Variants in CLEC2L observed in about 807,000 individuals in gnomAD.
CLEC2L encodes C-type lectin domain family 2 member L, also known as C-type lectin domain family 2, member L.
CLEC2L carries 14 observed loss-of-function variants against 23.6 expected under a neutral mutation model. The ratio of observed to expected loss-of-function variants is 0.59; its 90% CI spans 0.39 to 0.93. CLEC2L has a LOEUF of 0.93. CLEC2L is among the 40% of genes least tolerant of loss of function. The pLI, the probability that CLEC2L is intolerant of heterozygous loss-of-function variation, is 0.00. For synonymous variants in CLEC2L, 114 were observed against 121.3 expected (o/e 0.94, Z 0.40); for missense variants, 264 against 282.4 (o/e 0.93, Z 0.47).
chr7:139,541,683 C>T (rs993692110), intron 3 of CLEC2L, among the ~76,000 whole-genome samples: 1 of 152,220 alleles, frequency 6.6e-6, no homozygotes, highest in East Asian at 1.9e-4. Flanking sequence ...CCCCAAGCTT[C>T]CTGCAAATCA....
chr7:139,526,342 G>T (rs1797505912), intron 1 of CLEC2L, among the ~76,000 whole-genome samples: 1 of 152,146 alleles, frequency 6.6e-6, no homozygotes, highest in African/African-American at 2.4e-5. Context: ...GAGTACTGGG[G>T]TGGGGCAGGG....
rs540603211 is a variant in CLEC2L, at chr7:139,527,143, C to A, written c.190+3026C>A. ...AGTCATCATCTCAGTCCTCACCTCTCCCCTTGCAGGGGGGCTGGTGAGTGT... is the reference window on the plus strand; with the variant it reads ...AGTCATCATCTCAGTCCTCACCTCTACCCTTGCAGGGGGGCTGGTGAGTGT... On this transcript the variant is annotated intron_variant, in intron 1 of 4. Transcript: ENST00000422142. Among the ~76,000 whole-genome samples the A allele has an allele frequency of 2.6e-5, 4 of 152,340 alleles. No individual in the cohort carries two copies. The East Asian group carries it at 7.7e-4, about 29-fold the overall frequency.
At chr7:139,529,773 C>A (rs1262942695) in intron 1 of CLEC2L, among the ~76,000 whole-genome samples, 1 of 152,122 alleles carries the variant, frequency 6.6e-6, no homozygotes, top group Non-Finnish European at 1.5e-5. Context: ...CCCACTAATA[C>A]AACAGTAAAG....
At position 139,544,750 on chromosome 7, in the gene CLEC2L, A is replaced by C. The variant is rs1797786081; in HGVS notation, c.*408A>C. On this transcript the variant is annotated 3_prime_UTR_variant, in exon 5 of 5. Coordinates refer to ENST00000422142, the MANE Select transcript of CLEC2L (RefSeq NM_001080511.4). The stretch of plus-strand genomic sequence containing the variant: ...GCTCTGGGGAAGGAGGGGCATTGAC[A>C]GGTGGTTTGACTGTTCACCCAGCAG... 1 of 157,806 alleles carries C rather than the reference A, an allele frequency of 6.3e-6. No individual in the cohort carries two copies. Among genetic ancestry groups the C allele is most frequent in the African/African-American group, 2.4e-5 (1 of 41,616 alleles). 9.8% of individuals were successfully genotyped at this position (157,806 alleles called of 1,614,324 possible). A position where few individuals can be genotyped will look rare whatever the true frequency, so the allele number is the denominator to read the frequency against.
At chr7:139,528,960 A>G (rs1439703982) in intron 1 of CLEC2L, among the ~76,000 whole-genome samples, 2 of 152,238 alleles carry the variant, frequency 1.3e-5, no homozygotes, top group African/African-American at 2.4e-5. Flanking sequence ...GGTCTTTCCT[A>G]CAAACTCAGT....
rs956543372 is a variant in CLEC2L, at chr7:139,523,696, G to C, written c.-232G>C. ...TCGCGCTCCTCCCCAGCCCGGCTGT[G>C]CGTGGAGGCTGCGGCTCGGCGGGGC... On this transcript the variant is annotated 5_prime_UTR_variant, in exon 1 of 5. Coordinates refer to ENST00000422142, the MANE Select transcript of CLEC2L (RefSeq NM_001080511.4). This position sits in a 1 kb window ranked among gnomAD's most constrained non-coding sequence, Gnocchi z 4.1. 1.8e-4 allele frequency among the ~76,000 whole-genome samples: 27 copies of C among 151,052 alleles called. No homozygotes were observed. Among genetic ancestry groups the C allele is most frequent in the African/African-American group, 6.3e-4 (26 of 41,278 alleles).
chr7:139,527,917 C>A (rs1236786350), intron 1 of CLEC2L, among the ~76,000 whole-genome samples: 1 of 152,048 alleles, frequency 6.6e-6, no homozygotes, highest in Non-Finnish European at 1.5e-5. Flanking sequence ...AGGCTGTGTC[C>A]CCGATGACTT....
Position 139,544,289 on chromosome 7 carries a change from A to C in CLEC2L, c.592A>C (p.Thr198Pro). 2 of 1,613,534 alleles carry C rather than the reference A, an allele frequency of 1.2e-6. No homozygotes were observed. The highest frequency in any genetic ancestry group is 1.7e-6 in the Non-Finnish European group (2 of 1,179,726). The change falls in exon 5 of 5, where the codon ACG (threonine) becomes CCG (proline). Residue 198 changes from threonine to proline, a missense_variant. Coordinates refer to ENST00000422142, the MANE Select transcript of CLEC2L (RefSeq NM_001080511.4). Reference protein sequence around the residue: ...VFVEPTRLVSTECLMTRPWVC... With the variant: ...VFVEPTRLVSPECLMTRPWVC... ...CGTGGAGCCCACCAGGCTGGTGTCG[A>C]CGGAGTGTCTGATGACCCGGCCCTG...
Position 139,544,620 on chromosome 7 carries a change from C to G in CLEC2L, c.*278C>G, listed in dbSNP as rs1009875280. On this transcript the variant is annotated 3_prime_UTR_variant, in exon 5 of 5. Transcript: ENST00000422142. ...ACACACACACACATGCATAGGTACA[C>G]GCACGCACAGACGCTGTCCCTTCTG... 4.5e-6 allele frequency: 2 copies of G among 442,854 alleles called. No individual in the cohort carries two copies. Among genetic ancestry groups the G allele is most frequent in the African/African-American group, 2.0e-5 (1 of 50,662 alleles). The allele number at this position is 442,854 out of a possible 1,614,324, so 27.4% of individuals were successfully genotyped here.
Position 139,544,213 on chromosome 7 carries a change from C to G in CLEC2L, c.534-18C>G. The G allele has an allele frequency of 6.3e-7, 1 of 1,593,498 alleles. No homozygotes were observed. The highest frequency in any genetic ancestry group is 2.2e-5 in the East Asian group (1 of 44,538). ...ATGTTCCAGATCATAAACGCCTGGT[C>G]TTCTCTCCTGGCCACAGGTTCACCA... is the stretch of plus-strand genomic sequence containing the variant. On this transcript the variant is annotated intron_variant, in intron 4 of 4. Transcript: ENST00000422142.
intron 1 of CLEC2L, among the ~76,000 whole-genome samples, chr7:139,534,973 AAACAAAAG>A (rs1569427050): frequency 6.6e-6 from 1 of 151,788 alleles, no homozygotes; most frequent in African/African-American, 2.4e-5. Flanking sequence ...AAAAAAAAAA[AAACAAAAG>A]AACAACAACA....
rs1055310526 is a variant in CLEC2L, at chr7:139,544,965, G to A, written c.*623G>A. Reference sequence around the variant, plus strand: ...GGTGCTGTTGTATTGGTCACTAACGGAATAAAGAGTTAATATCTCATGTCC... The same window carrying A: ...GGTGCTGTTGTATTGGTCACTAACGAAATAAAGAGTTAATATCTCATGTCC... On this transcript the variant is annotated 3_prime_UTR_variant, in exon 5 of 5. Transcript: ENST00000422142. 2 of 152,414 alleles carry A rather than the reference G, an allele frequency of 1.3e-5. No homozygotes were observed. The highest frequency in any genetic ancestry group is 2.1e-4 in the South Asian group (1 of 4,824). 9.4% of individuals were successfully genotyped at this position (152,414 alleles called of 1,614,324 possible).
chr7:139,537,655 C>A (rs528724002), intron 2 of CLEC2L, among the ~76,000 whole-genome samples: 4 of 152,268 alleles, frequency 2.6e-5, no homozygotes, highest in Admixed American at 6.5e-5. Flanking sequence ...GCACCCTCCC[C>A]AAAGGGAAAT....
In CLEC2L at chr7:139,524,057, C is replaced by G; in HGVS notation, c.130C>G (p.Leu44Val). 8.2e-7 allele frequency: 1 copy of G among 1,220,634 alleles called. No individual in the cohort carries two copies. The highest frequency in any genetic ancestry group is 1.0e-6 in the Non-Finnish European group (1 of 979,092). 75.6% of individuals were successfully genotyped at this position (1,220,634 alleles called of 1,614,324 possible). Residue 44 changes from leucine (L) to valine (V), a missense_variant, in exon 1 of 5, where the codon CTG becomes GTG. Transcript: ENST00000422142. ...AEAEARGPEGLLRRSGSGYEG... is the reference protein window; with the variant it reads ...AEAEARGPEGVLRRSGSGYEG... The stretch of plus-strand genomic sequence containing the variant: ...GGCTGAGGCCCGCGGCCCCGAGGGG[C>G]TGCTGCGGCGATCCGGGTCGGGCTA...
At chr7:139,529,350 C>A (rs1229029605) in intron 1 of CLEC2L, among the ~76,000 whole-genome samples, 1 of 152,206 alleles carries the variant, frequency 6.6e-6, no homozygotes, top group East Asian at 1.9e-4. Context: ...ACTTTACCAT[C>A]CATACACATC....
intron 1 of CLEC2L, among the ~76,000 whole-genome samples, chr7:139,525,153 G>GC (rs1797489081): frequency 6.6e-6 from 1 of 152,074 alleles, no homozygotes; most frequent in South Asian, 2.1e-4. Context: ...TTGCCCAGGA[G>GC]CTTGGACTTT....
At chr7:139,527,372 G>A (rs1797520352) in intron 1 of CLEC2L, among the ~76,000 whole-genome samples, 1 of 152,150 alleles carries the variant, frequency 6.6e-6, no homozygotes, top group Admixed American at 6.5e-5. Flanking sequence ...AGACAACCCT[G>A]CCACCTCCAG....
At chr7:139,541,716 G>A (rs954968275) in intron 3 of CLEC2L, among the ~76,000 whole-genome samples, 1 of 152,218 alleles carries the variant, frequency 6.6e-6, no homozygotes, top group Non-Finnish European at 1.5e-5. Flanking sequence ...TGCTGAGCCA[G>A]GAGGACAAGC....
At chr7:139,536,019 T>A (rs750016440) in intron 1 of CLEC2L, among the ~76,000 whole-genome samples, 1 of 152,210 alleles carries the variant, frequency 6.6e-6, no homozygotes, top group Non-Finnish European at 1.5e-5. Context: ...AAACACAGCT[T>A]GTTGGCCAGG....
Sources: gnomAD v4.1 joint callset for allele counts (sites outside exome capture counted in the v4.1 genomes callset) on GRCh38, gnomAD v4.1.1 for gene constraint, Gnocchi (gnomAD v3.1) non-coding constraint, MANE v1.5 for transcripts, NCBI Gene and HGNC (gene_info 2026-07-23, HGNC 2026-07-21) for gene names.